The following CYP2F1 variants were observed in gnomAD, a reference collection of about 807,000 sequenced individuals.
CYP2F1 encodes the protein cytochrome P450 family 2 subfamily F member 1, also known as cytochrome P450 2F1.
A neutral mutation model predicts 40.4 loss-of-function variants in CYP2F1; 33 were observed. The ratio of observed to expected loss-of-function variants is 0.82; its 90% CI spans 0.62 to 1.09. The LOEUF is 1.09. CYP2F1 is among the 50% of genes least tolerant of loss of function. CYP2F1 has a pLI of 0.00. For synonymous variants in CYP2F1, 235 were observed against 277.2 expected, an observed-to-expected ratio of 0.85 and a Z score of 1.51; for missense variants, 566 against 655.7, an observed-to-expected ratio of 0.86 and a Z score of 1.49.
Position 41,124,699 on chromosome 19 carries a change from G to A in CYP2F1, c.965-20G>A, listed in dbSNP as rs2032445057. 3 of 1,594,110 alleles carry A rather than the reference G, an allele frequency of 1.9e-6. No individual in the cohort carries two copies. In the South Asian group the frequency reaches 3.3e-5, roughly 18 times the overall value. ...CGCGCCCGCTGATACCCTCGACCCCGCTTCCCGCTTCCTCTCCAGCCCGCG... is the reference window on the plus strand; with the variant it reads ...CGCGCCCGCTGATACCCTCGACCCCACTTCCCGCTTCCTCTCCAGCCCGCG... On this transcript the variant is annotated intron_variant, in intron 7 of 9. Coordinates refer to ENST00000331105, the MANE Select transcript of CYP2F1 (RefSeq NM_000774.5).
At chr19:41,126,867 AG>A (rs1227984914) in intron 9 of CYP2F1, among the ~76,000 whole-genome samples, 2 of 152,166 alleles carry the variant, frequency 1.3e-5, no homozygotes, top group African/African-American at 2.4e-5. Flanking sequence ...GGCGCAGTTG[AG>A]GTGGTTCTAG....
intron 1 of CYP2F1, among the ~76,000 whole-genome samples, chr19:41,115,094 G>A (rs2031715112): frequency 6.6e-6 from 1 of 151,486 alleles, no homozygotes; most frequent in African/African-American, 2.4e-5. Flanking sequence ...TCTGCCCTTT[G>A]CAGCCTACCC....
intron 3 of CYP2F1, among the ~76,000 whole-genome samples, chr19:41,119,730 T>TAC: frequency 4.3e-5 from 2 of 46,966 alleles, no homozygotes; most frequent in Non-Finnish European, 8.6e-5. Context: ...TCTCTATATA[T>TAC]ATATATATAT....
At chr19:41,125,681 T>A (rs757678758) in intron 9 of CYP2F1, 47 bp downstream of exon 9, 1 of 1,613,938 alleles carries the variant, frequency 6.2e-7, no homozygotes. Flanking sequence ...CTACCTACAT[T>A]CCTCACCCTA....
At chr19:41,125,801 T>G (rs1165283177) in intron 9 of CYP2F1, 167 bp downstream of exon 9, 1 of 1,469,536 alleles carries the variant, frequency 6.8e-7, no homozygotes, top group South Asian at 1.2e-5. Flanking sequence ...AAGTAGTGAC[T>G]AAAATCCTCG....
intron 3 of CYP2F1, among the ~76,000 whole-genome samples, chr19:41,119,723 C>CTCTCTCTATATA (rs1478574507): frequency 5.6e-4 from 20 of 35,810 alleles, no homozygotes; most frequent in Non-Finnish European, 6.2e-4. Context: ...CTCTCTCTCT[C>CTCTCTCTATATA]TATATATATA....
chr19:41,118,743 C>T (rs1001753602), intron 3 of CYP2F1, among the ~76,000 whole-genome samples: 1 of 152,220 alleles, frequency 6.6e-6, no homozygotes, highest in Non-Finnish European at 1.5e-5. Context: ...GCTGTGTACC[C>T]TTGGGCCAGA....
At chr19:41,124,088 A>C (rs1402258574) in intron 7 of CYP2F1, among the ~76,000 whole-genome samples, 8 of 151,664 alleles carry the variant, frequency 5.3e-5, no homozygotes, top group Non-Finnish European at 1.0e-4. Context: ...GTAGAGCCCC[A>C]AAACTGCTCC....
At chr19:41,122,742 GC>G in intron 6 of CYP2F1, 79 bp from the exon 7 acceptor site, 1 of 1,396,478 alleles carries the variant, frequency 7.2e-7, no homozygotes, top group Non-Finnish European at 9.4e-7. Flanking sequence ...GACCGAATGG[GC>G]CCCCAGCAGC....
intron 9 of CYP2F1, among the ~76,000 whole-genome samples, chr19:41,126,961 GA>G (rs1319569416): frequency 6.6e-6 from 1 of 151,908 alleles, no homozygotes; most frequent in Non-Finnish European, 1.5e-5. Context: ...GGCAGGAAAA[GA>G]AAAAACAAAA....
At chr19:41,119,318 T>C (rs1164098310) in intron 3 of CYP2F1, among the ~76,000 whole-genome samples, 1 of 152,094 alleles carries the variant, frequency 6.6e-6, no homozygotes, top group Non-Finnish European at 1.5e-5. Context: ...ATGCATTTAA[T>C]AATCAATAAG....
Position 41,128,035 on chromosome 19 carries a change from C to A in CYP2F1, c.1429C>A (p.Leu477Ile). The A allele has an allele frequency of 6.2e-7, 1 of 1,612,020 alleles. No individual in the cohort carries two copies. Among genetic ancestry groups the A allele is most frequent in the Non-Finnish European group, 8.5e-7 (1 of 1,179,528 alleles). ...CGACCTGACCCCACTCAGCTCAGGT[C>A]TTGGCAATTTGCCGCGGCCTTTCCA... Reference protein sequence around the residue: ...DIDLTPLSSGLGNLPRPFQLC... With the variant: ...DIDLTPLSSGIGNLPRPFQLC... Residue 477 changes from leucine to isoleucine, a missense_variant, in exon 10 of 10, where the codon CTT becomes ATT. Coordinates refer to ENST00000331105, the MANE Select transcript of CYP2F1 (RefSeq NM_000774.5).
Position 41,128,030 on chromosome 19 carries a change from C to G in CYP2F1, c.1424C>G (p.Ser475Ter). Reference sequence around the variant, plus strand: ...GACATCGACCTGACCCCACTCAGCTCAGGTCTTGGCAATTTGCCGCGGCCT... The same window carrying G: ...GACATCGACCTGACCCCACTCAGCTGAGGTCTTGGCAATTTGCCGCGGCCT... Reference protein sequence around the residue: ...PEDIDLTPLSSGLGNLPRPFQ... With the variant: ...PEDIDLTPLS Residue 475 changes from serine to a stop codon, truncating the protein, a stop_gained, in exon 10 of 10, where the codon TCA becomes TGA. Transcript: ENST00000331105. LOFTEE classifies it low-confidence loss of function (END_TRUNC). 6.2e-7 allele frequency: 1 copy of G among 1,612,346 alleles called. No individual in the cohort carries two copies. The highest frequency in any genetic ancestry group is 8.5e-7 in the Non-Finnish European group (1 of 1,179,736).
At chr19:41,123,290 C>G in intron 7 of CYP2F1, 1 of 429,074 alleles carries the variant, frequency 2.3e-6, no homozygotes, top group Non-Finnish European at 4.7e-6. Context: ...CAACCTCCCC[C>G]TCCCGAGTTC....
chr19:41,124,244 T>TCC (rs1568381316), intron 7 of CYP2F1, among the ~76,000 whole-genome samples: 22 of 32,952 alleles, frequency 6.7e-4, no homozygotes, highest in Non-Finnish European at 9.7e-4. Flanking sequence ...TTTTTTCCTC[T>TCC]TCCCCCCCCC....
intron 3 of CYP2F1, 85 bp from the exon 4 acceptor site, chr19:41,120,262 C>T (rs1455751182): frequency 7.4e-7 from 1 of 1,359,234 alleles, no homozygotes; most frequent in Non-Finnish European, 1.0e-6. Context: ...GTCTCTCTCC[C>T]AGCAAATACC....
Position 41,124,680 on chromosome 19 carries a change from C to G in CYP2F1, c.965-39C>G, listed in dbSNP as rs758276599. ...ATCAGCCTGGTTGCCCTGTCGCGCC[C>G]GCTGATACCCTCGACCCCGCTTCCC... On this transcript the variant is annotated intron_variant, in intron 7 of 9. Transcript: ENST00000331105. 4.4e-6 allele frequency: 7 copies of G among 1,580,078 alleles called. No homozygotes were observed. In the African/African-American group the frequency reaches 9.4e-5, roughly 21 times the overall value.
intron 6 of CYP2F1, among the ~76,000 whole-genome samples, chr19:41,122,571 A>G (rs1451217559): frequency 7.9e-5 from 12 of 152,060 alleles, no homozygotes; most frequent in Admixed American, 7.2e-4. Context: ...ACACATACAT[A>G]CATACACACA....
Position 41,128,046 on chromosome 19 carries a change from G to GC in CYP2F1, c.1442dup (p.Arg482AlafsTer21), listed in dbSNP as rs2032614643. ...CACTCAGCTCAGGTCTTGGCAATTT[G>GC]CCGCGGCCTTTCCAGCTGTGCCTGC... On this transcript the variant is annotated frameshift_variant, in exon 10 of 10. Coordinates refer to ENST00000331105, the MANE Select transcript of CYP2F1 (RefSeq NM_000774.5). LOFTEE classifies it low-confidence loss of function (END_TRUNC). 6.2e-7 allele frequency: 1 copy of GC among 1,610,394 alleles called. No individual in the cohort carries two copies. Among genetic ancestry groups the GC allele is most frequent in the Admixed American group, 1.7e-5 (1 of 59,944 alleles).
Sources: gnomAD v4.1 joint callset for allele counts (sites outside exome capture counted in the v4.1 genomes callset) on GRCh38, gnomAD v4.1.1 for gene constraint, MANE v1.5 for transcripts, NCBI Gene and HGNC (gene_info 2026-07-23, HGNC 2026-07-21) for gene names.